The following MEGF10 variants were observed in gnomAD, a reference collection of about 807,000 sequenced individuals.
MEGF10 encodes multiple EGF like domains 10.
In MEGF10, 86 loss-of-function variants were observed where a neutral mutation model predicts 147.5. The ratio of observed to expected loss-of-function variants is 0.58; its 90% CI spans 0.49 to 0.70. The LOEUF (loss-of-function observed/expected upper bound fraction) is 0.70, where lower values mean the gene tolerates loss of function less well. Among genes scored for constraint, MEGF10 ranks in the 30% least tolerant of loss-of-function variants. The pLI, the probability that MEGF10 is intolerant of heterozygous loss-of-function variation, is 0.00. For missense variants in MEGF10, 1,329 were observed against 1,487.3 expected (o/e 0.89, Z 1.75); for synonymous variants, 478 against 525.5 (o/e 0.91, Z 1.24).
chr5:127,304,298 G>C (rs1031976945), intron 1 of MEGF10, among the ~76,000 whole-genome samples: 9 of 152,152 alleles, frequency 5.9e-5, no homozygotes, highest in African/African-American at 1.9e-4. Flanking sequence ...TGGCCTGAGA[G>C]AGCCTGAGAG....
At chr5:127,392,308 C>A (rs1271545439) in intron 5 of MEGF10, among the ~76,000 whole-genome samples, 1 of 152,114 alleles carries the variant, frequency 6.6e-6, no homozygotes, top group Non-Finnish European at 1.5e-5. Context: ...TGTATCATTC[C>A]CTGCAGCCCC....
At chr5:127,414,402 T>C (rs1321205595) in intron 9 of MEGF10, among the ~76,000 whole-genome samples, 1 of 152,026 alleles carries the variant, frequency 6.6e-6, no homozygotes, top group Non-Finnish European at 1.5e-5. Flanking sequence ...AACTAAATGG[T>C]GCTCAGCACA....
intron 16 of MEGF10, among the ~76,000 whole-genome samples, chr5:127,437,022 A>G (rs79103583): frequency 0.019 from 2,842 of 152,326 alleles, 54 homozygotes; most frequent in South Asian, 0.077. Flanking sequence ...GCTTATTCCC[A>G]TTCTCTGATC....
rs745565012 is a variant in MEGF10, at chr5:127,434,767, A to T, written c.1921A>T (p.Ile641Phe). ...TCACAGCAGCGGGCCCTGCCACCAC[A>T]TCACCGGCCTGTGTGACTGCTTGCC... is the stretch of plus-strand genomic sequence containing the variant. ...CVHSSGPCHHITGLCDCLPGF... is the reference protein window; with the variant it reads ...CVHSSGPCHHFTGLCDCLPGF... Residue 641 changes from isoleucine (I) to phenylalanine (F), a missense_variant, in exon 15 of 25, where the codon ATC becomes TTC. Coordinates refer to ENST00000503335, the MANE Select transcript of MEGF10 (RefSeq NM_001256545.2). 5.6e-6 allele frequency: 9 copies of T among 1,613,768 alleles called. No individual in the cohort carries two copies. Among genetic ancestry groups the T allele is most frequent in the Admixed American group, 3.3e-5 (2 of 59,994 alleles).
chr5:127,410,576 C>T lies in MEGF10; in HGVS notation c.1105C>T (p.Pro369Ser). The T allele has an allele frequency of 1.9e-6, 3 of 1,609,970 alleles. No individual in the cohort carries two copies. Among genetic ancestry groups the T allele is most frequent in the Non-Finnish European group, 2.5e-6 (3 of 1,179,698 alleles). The change falls in exon 9 of 25, where the codon CCC (proline) becomes TCC (serine). Residue 369 changes from proline (P) to serine (S), a missense_variant. Coordinates refer to ENST00000503335, the MANE Select transcript of MEGF10 (RefSeq NM_001256545.2). ...LYGIKCDKRC[P>S]CHLENTHSCH... ...CGGCATCAAATGTGACAAACGGTGT[C>T]CCTGCCACCTGGAAAACACTCATAG...
At chr5:127,237,445 T>C in the MEGF10 span, among the ~76,000 whole-genome samples, 1 of 152,054 alleles carries the variant, frequency 6.6e-6, no homozygotes, top group East Asian at 1.9e-4. Context: ...TAAGCTGAGA[T>C]CACACCACTG....
At chr5:127,450,140 A>G (rs1021739183) in intron 22 of MEGF10, among the ~76,000 whole-genome samples, 7 of 152,198 alleles carry the variant, frequency 4.6e-5, no homozygotes, top group African/African-American at 1.7e-4. Context: ...CTCATACTTT[A>G]TGTAGCTTCT....
chr5:127,422,896 G>T, intron 13 of MEGF10, 124 bp downstream of exon 13: 2 of 719,622 alleles, frequency 2.8e-6, no homozygotes, highest in Non-Finnish European at 4.7e-6. Context: ...ATTCGATAAG[G>T]TTTCCAGTAA....
chr5:127,421,835 T>G (rs1403352984), intron 12 of MEGF10, among the ~76,000 whole-genome samples: 1 of 150,680 alleles, frequency 6.6e-6, no homozygotes, highest in African/African-American at 2.4e-5. Context: ...AAGATTAGTT[T>G]ATAATTTAAA....
Position 127,455,490 on chromosome 5 carries a change from C to G in MEGF10, c.3115C>G (p.Leu1039Val). Residue 1039 changes from leucine to valine, a missense_variant, in exon 24 of 25, where the codon CTT (leucine) becomes GTT (valine). Physicochemically the swap from Leu to Val is conservative, Grantham distance 32. Around this residue, in one of 3 missense-constraint regions of MEGF10, gnomAD observed 343 missense variants for 377.9 expected, o/e 0.91. Coordinates refer to ENST00000503335, the MANE Select transcript of MEGF10 (RefSeq NM_001256545.2). The stretch of plus-strand genomic sequence containing the variant: ...TGCCACTATTAAAGACCCACCTGTA[C>G]TTATCCCGAAAAGCTCAGAGTGTGG... ...PYATIKDPPV[L>V]IPKSSECGYV... 1 of 1,614,116 alleles carries G rather than the reference C, an allele frequency of 6.2e-7. No individual in the cohort carries two copies. The highest frequency in any genetic ancestry group is 8.5e-7 in the Non-Finnish European group (1 of 1,180,012).
chr5:127,396,366 G>T (rs944999771), intron 5 of MEGF10, among the ~76,000 whole-genome samples, 166 bp from the exon 6 acceptor site: 5 of 152,184 alleles, frequency 3.3e-5, no homozygotes, highest in African/African-American at 1.2e-4. Context: ...TGGCCCAGTT[G>T]GTGCTGAGCA....
At chr5:127,311,986 G>A (rs1760307349) in intron 1 of MEGF10, among the ~76,000 whole-genome samples, 1 of 152,120 alleles carries the variant, frequency 6.6e-6, no homozygotes, top group Non-Finnish European at 1.5e-5. Context: ...ATTACCGCAG[G>A]AGCTAGGAAA....
the MEGF10 span, among the ~76,000 whole-genome samples, chr5:127,254,743 G>A: frequency 1.1e-4 from 16 of 151,596 alleles, no homozygotes; most frequent in East Asian, 7.8e-4. Context: ...CCCAGGAGGC[G>A]GAGGTTGCAG....
intron 1 of MEGF10, among the ~76,000 whole-genome samples, chr5:127,294,799 AAAT>A (rs200086613): frequency 0.28 from 29,685 of 107,900 alleles, 3,322 homozygotes; most frequent in African/African-American, 0.32. Context: ...ACTCTGTCTC[AAAT>A]AATAATAATA....
chr5:127,457,290 G>T lies in MEGF10; in HGVS notation c.3395G>T (p.Ser1132Ile), dbSNP rs775271516. ...AAGCAAGAGGACAGTGGTGGTAGCA[G>T]CAGCAACAGCAGCAGCAGCAGTGAA... ...SPKQEDSGGS[S>I]SNSSSSSE Residue 1132 changes from serine (S) to isoleucine (I), a missense_variant, in exon 25 of 25, where the codon AGC (serine) becomes ATC (isoleucine). This residue lies in a region of MEGF10 where 343 missense variants were observed against 377.9 expected (regional missense o/e 0.91). Coordinates refer to ENST00000503335, the MANE Select transcript of MEGF10 (RefSeq NM_001256545.2). 1 of 1,613,512 alleles carries T rather than the reference G, an allele frequency of 6.2e-7. No homozygotes were observed. The highest frequency in any genetic ancestry group is 1.1e-5 in the South Asian group (1 of 91,024).
In MEGF10 at chr5:127,340,836, T is replaced by C. The variant is rs17839697; in HGVS notation, c.319+206T>C. Among the ~76,000 whole-genome samples the C allele has an allele frequency of 0.05, 7,564 of 152,256 alleles. 273 individuals carry two copies. Among genetic ancestry groups the C allele is most frequent in the African/African-American group, 0.085 (3,533 of 41,560 alleles). ...CTTATCCAAAGTCTCCAAATGAATG[T>C]TGCTTAAGGTGAAAACAGCTGTTAC... On this transcript the variant is annotated intron_variant, in intron 4 of 24. Coordinates refer to ENST00000503335, the MANE Select transcript of MEGF10 (RefSeq NM_001256545.2).
chr5:127,310,778 G>A (rs931934568), intron 1 of MEGF10, among the ~76,000 whole-genome samples: 6 of 152,142 alleles, frequency 3.9e-5, no homozygotes, highest in Admixed American at 6.5e-5. Flanking sequence ...TAGTATAGGG[G>A]CTAAGGAGAG....
chr5:127,294,819 AT>A (rs1759422633), intron 1 of MEGF10, among the ~76,000 whole-genome samples: 1 of 143,720 alleles, frequency 7.0e-6, no homozygotes, highest in Admixed American at 7.3e-5. Context: ...AATAATAATA[AT>A]AATAATAATA....
chr5:127,413,924 A>G (rs929013391), intron 9 of MEGF10, among the ~76,000 whole-genome samples: 7 of 152,098 alleles, frequency 4.6e-5, no homozygotes, highest in African/African-American at 1.7e-4. Context: ...CAAATTGTCT[A>G]TTTTCTTTAA....
Sources: allele counts gnomAD v4.1 joint callset (sites outside exome capture counted in the v4.1 genomes callset), GRCh38; gene constraint gnomAD v4.1.1; regional missense constraint gnomAD v4.1.1; transcripts MANE v1.5; gene names NCBI Gene and HGNC (gene_info 2026-07-23, HGNC 2026-07-21).